The following STC2 variants were observed in gnomAD, a reference collection of about 807,000 sequenced individuals.
The protein encoded by STC2 is stanniocalcin 2.
In STC2, 7 loss-of-function variants were observed where a neutral mutation model predicts 22.7. The ratio of observed to expected loss-of-function variants is 0.31; its 90% confidence interval spans 0.18 to 0.58. The LOEUF is 0.58. STC2 is among the 20% of genes least tolerant of loss of function. The probability of loss-of-function intolerance (pLI) is 0.89; values close to 1 mark genes in which losing one functional copy is unlikely to be tolerated. For missense variants in STC2, 336 were observed against 406.2 expected (o/e 0.83, Z 1.48); for synonymous variants, 158 against 163.4 (o/e 0.97, Z 0.25).
At chr5:173,318,805 C>T (rs140879046) in intron 3 of STC2, among the ~76,000 whole-genome samples, 267 of 152,252 alleles carry the variant, frequency 1.8e-3, no homozygotes, top group African/African-American at 5.9e-3. Context: ...GTGTTTGCCC[C>T]GGGTTTAGGC....
intron 3 of STC2, among the ~76,000 whole-genome samples, chr5:173,321,154 C>A (rs1762480323): frequency 6.6e-6 from 1 of 151,856 alleles, no homozygotes; most frequent in African/African-American, 2.4e-5. Context: ...TGTGAGGAGA[C>A]CATGGCCCCG....
At chr5:173,320,007 A>AT (rs1168285708) in intron 3 of STC2, among the ~76,000 whole-genome samples, 1 of 152,172 alleles carries the variant, frequency 6.6e-6, no homozygotes, top group African/African-American at 2.4e-5. Context: ...GTTTCCTTCT[A>AT]TTTTTTGAAA....
At position 173,315,614 on chromosome 5, in the gene STC2, G is replaced by T. The variant is rs1275830214; in HGVS notation, c.*2233C>A. 1 of 152,380 alleles carries T rather than the reference G, an allele frequency of 6.6e-6. No individual in the cohort carries two copies. The highest frequency in any genetic ancestry group is 2.1e-4 in the South Asian group (1 of 4,826). The allele number at this position is 152,380 out of a possible 1,614,324, so 9.4% of individuals were successfully genotyped here. On this transcript the variant is annotated 3_prime_UTR_variant, in exon 4 of 4. Transcript: ENST00000265087. ...GATGCCTTTCACACATCCAGTCCAG[G>T]AGCTGGCGGACAAATGAACAGCTGA...
intron 2 of STC2, chr5:173,324,216 G>A (rs1440687750): frequency 2.6e-5 from 4 of 152,384 alleles, no homozygotes; most frequent in African/African-American, 9.7e-5. Flanking sequence ...TGGCAACCCC[G>A]TCTGATTGTG....
rs762735383 is a variant in STC2 at position 173,323,527 on chromosome 5, A to T, written c.295-97T>A. 39 of 1,226,680 alleles carry T rather than the reference A, an allele frequency of 3.2e-5. No individual in the cohort carries two copies. The highest frequency in any genetic ancestry group is 2.5e-4 in the Middle Eastern group (1 of 4,034). The allele number at this position is 1,226,680 out of a possible 1,614,324, so 76.0% of individuals were successfully genotyped here. A position where few individuals can be genotyped will look rare whatever the true frequency, so the allele number is the denominator to read the frequency against. On this transcript the variant is annotated intron_variant, in intron 2 of 3. Coordinates refer to ENST00000265087, the MANE Select transcript of STC2 (RefSeq NM_003714.3). This position sits in a 1 kb window ranked among gnomAD's most constrained non-coding sequence, Gnocchi z 5.4. ...TCAGCCCTTCTTGGGCTTACACAGG[A>T]TATTTCTGACATCAGAACCCCAAGG... is the stretch of plus-strand genomic sequence containing the variant.
At chr5:173,327,124 G>A (rs1043475460) in intron 1 of STC2, among the ~76,000 whole-genome samples, 8 of 152,174 alleles carry the variant, frequency 5.3e-5, no homozygotes, top group African/African-American at 1.9e-4. Context: ...GACCCCACGC[G>A]CCGCCGGGGC....
At chr5:173,326,090 G>T (rs1762543349) in intron 1 of STC2, 80 bp from the exon 2 acceptor site, 15 of 1,487,712 alleles carry the variant, frequency 1.0e-5, no homozygotes, top group Non-Finnish European at 1.3e-5. Flanking sequence ...TGAAATAAAA[G>T]TTAACAACTA....
rs981790270 is a variant in STC2 at position 173,316,922 on chromosome 5, A to G, written c.*925T>C. ...GTTTCCCCCAAGTGGGCAGGAGTCC[A>G]TGTCAGGCAGTCAGATGTATGGCTA... On this transcript the variant is annotated 3_prime_UTR_variant, in exon 4 of 4. Transcript: ENST00000265087. 1 of 152,142 alleles carries G rather than the reference A, an allele frequency of 6.6e-6. No individual in the cohort carries two copies. The highest frequency in any genetic ancestry group is 2.4e-5 in the African/African-American group (1 of 41,414). 9.4% of individuals were successfully genotyped at this position (152,142 alleles called of 1,614,324 possible).
chr5:173,328,250 C>T lies in STC2; in HGVS notation c.-57G>A, dbSNP rs900392783. Reference sequence around the variant, plus strand: ...CTGGATCCTTTGTGCTCCCCTCTTCCTCCTCCTCCTCTTCCTCCTTCGCCG... The same window carrying T: ...CTGGATCCTTTGTGCTCCCCTCTTCTTCCTCCTCCTCTTCCTCCTTCGCCG... On this transcript the variant is annotated 5_prime_UTR_variant, in exon 1 of 4. Transcript: ENST00000265087. 2.2e-6 allele frequency: 3 copies of T among 1,355,570 alleles called. No individual in the cohort carries two copies. The highest frequency in any genetic ancestry group is 3.0e-5 in the African/African-American group (2 of 66,778). The allele number at this position is 1,355,570 out of a possible 1,614,324, so 84.0% of individuals were successfully genotyped here. A position where few individuals can be genotyped will look rare whatever the true frequency, so the allele number is the denominator to read the frequency against.
intron 3 of STC2, among the ~76,000 whole-genome samples, chr5:173,322,181 G>A (rs1762495626): frequency 6.6e-6 from 1 of 152,172 alleles, no homozygotes; most frequent in Non-Finnish European, 1.5e-5. Flanking sequence ...TTGGCTCAAT[G>A]AGTCACCGTG....
chr5:173,328,363 T>G lies in STC2; in HGVS notation c.-170A>C. On this transcript the variant is annotated 5_prime_UTR_variant, in exon 1 of 4. Transcript: ENST00000265087. ...CTCGGATAGAGGTTACCCAGCGCCCTCCCGTAGCTCTCCGGAGAGCATGTG... is the reference window on the plus strand; with the variant it reads ...CTCGGATAGAGGTTACCCAGCGCCCGCCCGTAGCTCTCCGGAGAGCATGTG... 1 of 594,560 alleles carries G rather than the reference T, an allele frequency of 1.7e-6. No homozygotes were observed. Among genetic ancestry groups the G allele is most frequent in the Non-Finnish European group, 2.6e-6 (1 of 388,628 alleles). 36.8% of individuals were successfully genotyped at this position (594,560 alleles called of 1,614,324 possible). A position where few individuals can be genotyped will look rare whatever the true frequency, so the allele number is the denominator to read the frequency against.
Position 173,318,001 on chromosome 5 carries a change from C to T in STC2, c.755G>A (p.Arg252Lys). Residue 252 changes from arginine (R) to lysine (K), a missense_variant, in exon 4 of 4, where the codon AGG (arginine) becomes AAG (lysine). Physicochemically the swap from Arg to Lys is conservative, Grantham distance 26. Coordinates refer to ENST00000265087, the MANE Select transcript of STC2 (RefSeq NM_003714.3). The stretch of plus-strand genomic sequence containing the variant: ...ACCCTTGGCACCTCGGCCAGTCTCC[C>T]TACTGCTGGGCTCTGGGAGGTGATG... The part of the protein sequence containing the change: ...AGHHLPEPSS[R>K]ETGRGAKGER... 1 of 1,613,326 alleles carries T rather than the reference C, an allele frequency of 6.2e-7. No homozygotes were observed. Among genetic ancestry groups the T allele is most frequent in the Non-Finnish European group, 8.5e-7 (1 of 1,179,932 alleles).
chr5:173,318,481 A>C (rs940644125), intron 3 of STC2, among the ~76,000 whole-genome samples: 4 of 152,198 alleles, frequency 2.6e-5, no homozygotes, highest in Admixed American at 6.5e-5. Context: ...ACTGTGTCCC[A>C]GGCTCACAGG....
chr5:173,319,785 C>T (rs765730167), intron 3 of STC2, among the ~76,000 whole-genome samples: 1 of 152,192 alleles, frequency 6.6e-6, no homozygotes, highest in African/African-American at 2.4e-5. Context: ...AGGAGGAATG[C>T]TCTGGCTGAG....
chr5:173,325,995 C>G lies in STC2; in HGVS notation c.167G>C (p.Cys56Ser). ...CCCCACATCGCCAGCGTTGACCAAACAGTGCTGGATCTCCGCTAAAAGGAA... is the reference window on the plus strand; with the variant it reads ...CCCCACATCGCCAGCGTTGACCAAAGAGTGCTGGATCTCCGCTAAAAGGAA... Reference protein sequence around the residue: ...SLQNTAEIQHCLVNAGDVGCG... With the variant: ...SLQNTAEIQHSLVNAGDVGCG... The change falls in exon 2 of 4, where the codon TGT (cysteine) becomes TCT (serine). Residue 56 changes from cysteine to serine, a missense_variant. Physicochemically the swap from Cys to Ser is moderately radical, Grantham distance 112 (BLOSUM62 -1). Around this residue, in one of 3 missense-constraint regions of STC2, gnomAD observed 99 missense variants for 122.7 expected, o/e 0.81. Coordinates refer to ENST00000265087, the MANE Select transcript of STC2 (RefSeq NM_003714.3). The surrounding 1 kb of genome is among the most constrained non-coding windows in gnomAD (Gnocchi z 4.7). 1 of 1,614,226 alleles carries G rather than the reference C, an allele frequency of 6.2e-7. No individual in the cohort carries two copies. Among genetic ancestry groups the G allele is most frequent in the Non-Finnish European group, 8.5e-7 (1 of 1,180,038 alleles).
chr5:173,326,041 A>G (rs1762542408), intron 1 of STC2, 31 bp from the exon 2 acceptor site: 1 of 1,611,966 alleles, frequency 6.2e-7, no homozygotes, highest in African/African-American at 1.3e-5. Flanking sequence ...AAATATATAC[A>G]AAACTCTAAC....
At position 173,317,877 on chromosome 5, in the gene STC2, T is replaced by C; in HGVS notation, c.879A>G (p.Glu293=). 1 of 1,597,364 alleles carries C rather than the reference T, an allele frequency of 6.3e-7. No homozygotes were observed. Among genetic ancestry groups the C allele is most frequent in the South Asian group, 1.1e-5 (1 of 89,802 alleles). ...TCCGGATATCAGAATACTCAGACTGTTCGTCTTCCCACTCGCTGCTTCCGG... is the reference window on the plus strand; with the variant it reads ...TCCGGATATCAGAATACTCAGACTGCTCGTCTTCCCACTCGCTGCTTCCGG... ...GPSGSSEWED[E]QSEYSDIRR Residue 293 remains glutamate, a synonymous_variant, in exon 4 of 4, where the codon GAA becomes GAG. Transcript: ENST00000265087.
rs199713538 is a variant in STC2 at position 173,323,300 on chromosome 5, T to G, written c.425A>C (p.Lys142Thr). The change falls in exon 3 of 4, where the codon AAG becomes ACG. Residue 142 changes from lysine to threonine, a missense_variant. By Grantham distance (78) the Lys-to-Thr change is moderately conservative. Coordinates refer to ENST00000265087, the MANE Select transcript of STC2 (RefSeq NM_003714.3). This position sits in a 1 kb window ranked among gnomAD's most constrained non-coding sequence, Gnocchi z 5.4. ...VSQLQRECYL[K>T]HDLCAAAQEN... ...CTGGGCAGCCGCGCACAGGTCGTGC[T>G]TGAGGTAGCATTCCCGCTGCAACTG... The G allele has an allele frequency of 3.7e-6, 6 of 1,614,128 alleles. No individual in the cohort carries two copies. The East Asian group carries it at 1.3e-4, about 36-fold the overall frequency.
chr5:173,317,998 T>A lies in STC2; in HGVS notation c.758A>T (p.Glu253Val). Reference sequence around the variant, plus strand: ...CTCACCCTTGGCACCTCGGCCAGTCTCCCTACTGCTGGGCTCTGGGAGGTG... The same window carrying A: ...CTCACCCTTGGCACCTCGGCCAGTCACCCTACTGCTGGGCTCTGGGAGGTG... Reference protein sequence around the residue: ...GHHLPEPSSRETGRGAKGERG... With the variant: ...GHHLPEPSSRVTGRGAKGERG... Residue 253 changes from glutamate (E) to valine (V), a missense_variant, in exon 4 of 4, where the codon GAG becomes GTG. Coordinates refer to ENST00000265087, the MANE Select transcript of STC2 (RefSeq NM_003714.3). 1 of 1,613,270 alleles carries A rather than the reference T, an allele frequency of 6.2e-7. No individual in the cohort carries two copies. Among genetic ancestry groups the A allele is most frequent in the Non-Finnish European group, 8.5e-7 (1 of 1,179,900 alleles).
Sources: gnomAD v4.1 joint callset for allele counts (sites outside exome capture counted in the v4.1 genomes callset) on GRCh38, gnomAD v4.1.1 for gene constraint, gnomAD v4.1.1 regional missense constraint, Gnocchi (gnomAD v3.1) non-coding constraint, MANE v1.5 for transcripts, NCBI Gene and HGNC (gene_info 2026-07-23, HGNC 2026-07-21) for gene names.